Variants in ESRRG observed in about 807,000 individuals in gnomAD.
ESRRG encodes estrogen-related receptor gamma.
A neutral mutation model predicts 44.0 loss-of-function variants in ESRRG; 13 were observed. That is an observed-to-expected ratio of 0.30 (90% confidence interval 0.19 to 0.47). The LOEUF (loss-of-function observed/expected upper bound fraction) is 0.47, where lower values mean the gene tolerates loss of function less well. Among genes scored for constraint, ESRRG ranks in the 20% least tolerant of loss-of-function variants. ESRRG has a pLI of 1.00. For missense variants in ESRRG, 395 were observed against 580.6 expected (o/e 0.68, Z 3.29); for synonymous variants, 215 against 214.6 (o/e 1.00, Z -0.02).
chr1:216,694,735 T>A (rs1378766186), intron 1 of ESRRG, among the ~76,000 whole-genome samples: 1 of 151,968 alleles, frequency 6.6e-6, no homozygotes, highest in African/African-American at 2.4e-5. Flanking sequence ...TTTTCTTTTT[T>A]AAATAGAGAC....
At chr1:216,635,592 G>A in intron 3 of ESRRG, among the ~76,000 whole-genome samples, 1 of 152,128 alleles carries the variant, frequency 6.6e-6, no homozygotes, top group East Asian at 1.9e-4. Flanking sequence ...TGATTCCATG[G>A]ATTCAAGGTC....
rs567691984 is a variant in ESRRG, at chr1:217,034,431, G to A, written c.-106+55076C>T. ...TTTTGAAAATTTTTGGTCCCCGATG[G>A]TCTGTCTGAAATGCTGCCACTCCTG... On this transcript the variant is annotated intron_variant, in intron 1 of 7. Transcript: ENST00000359162. 3.3e-5 allele frequency among the ~76,000 whole-genome samples: 5 copies of A among 152,226 alleles called. No individual in the cohort carries two copies. In the East Asian group the frequency reaches 9.7e-4, roughly 29 times the overall value.
Position 216,595,256 on chromosome 1 carries a change from T to C in ESRRG, c.590-27158A>G, listed in dbSNP as rs1273692504. Among the ~76,000 whole-genome samples, 4 of 152,368 alleles carry C rather than the reference T, an allele frequency of 2.6e-5. No homozygotes were observed. In the East Asian group the frequency reaches 5.8e-4, roughly 22 times the overall value. Reference sequence around the variant, plus strand: ...ATTATTACCTGGGAAGGCTTACTTATGTTTAAAATTATCTAGTGCTCATGG... The same window carrying C: ...ATTATTACCTGGGAAGGCTTACTTACGTTTAAAATTATCTAGTGCTCATGG... On this transcript the variant is annotated intron_variant, in intron 3 of 6. Transcript: ENST00000408911.
At position 216,605,826 on chromosome 1, in the gene ESRRG, A is replaced by T. The variant is rs1354447975; in HGVS notation, c.590-37728T>A. The stretch of plus-strand genomic sequence containing the variant: ...AAACGAAAGACTGGGTTTCATCCTT[A>T]TGCACCCAATCTGCAAGAAAAGCAA... On this transcript the variant is annotated intron_variant, in intron 3 of 6. Coordinates refer to ENST00000408911, the MANE Select transcript of ESRRG (RefSeq NM_001438.4). Among the ~76,000 whole-genome samples, 4 of 151,730 alleles carry T rather than the reference A, an allele frequency of 2.6e-5. No homozygotes were observed. The South Asian group carries it at 6.3e-4, about 24-fold the overall frequency.
At chr1:217,043,987 C>T (rs754818475) in intron 1 of ESRRG, among the ~76,000 whole-genome samples, 2 of 151,084 alleles carry the variant, frequency 1.3e-5, no homozygotes, top group Non-Finnish European at 2.9e-5. Flanking sequence ...GAAAAGAAAC[C>T]GATAGGAATA....
chr1:216,749,501 C>A (rs11572649), intron 2 of ESRRG, among the ~76,000 whole-genome samples: 1 of 152,112 alleles, frequency 6.6e-6, no homozygotes, highest in Non-Finnish European at 1.5e-5. Flanking sequence ...ATGCAGGGAG[C>A]GCCCTGCTAG....
intron 2 of ESRRG, among the ~76,000 whole-genome samples, chr1:216,783,656 T>C (rs1433282736): frequency 1.3e-5 from 2 of 151,938 alleles, no homozygotes; most frequent in African/African-American, 2.4e-5. Flanking sequence ...CCCTCCTCAA[T>C]TGGTCACAAA....
At chr1:217,080,338 T>C (rs1417582375) in intron 1 of ESRRG, among the ~76,000 whole-genome samples, 1 of 152,132 alleles carries the variant, frequency 6.6e-6, no homozygotes, top group African/African-American at 2.4e-5. Context: ...CCCAAAATCG[T>C]CCTCACAGAA....
intron 1 of ESRRG, among the ~76,000 whole-genome samples, chr1:217,026,912 C>CACACAGAGAGAGAG (rs1255637839): frequency 4.3e-5 from 4 of 93,472 alleles, no homozygotes; most frequent in African/African-American, 1.2e-4. Flanking sequence ...CACACACACA[C>CACACAGAGAGAGAG]AGAGAGAGAG....
chr1:216,591,970 AC>A lies in ESRRG; in HGVS notation c.590-23873del, dbSNP rs11572743. 9.2e-3 allele frequency among the ~76,000 whole-genome samples: 1,394 copies of A among 152,282 alleles called. 19 individuals carry two copies. Among genetic ancestry groups the A allele is most frequent in the African/African-American group, 0.032 (1,343 of 41,546 alleles). On this transcript the variant is annotated intron_variant, in intron 3 of 6. Coordinates refer to ENST00000408911, the MANE Select transcript of ESRRG (RefSeq NM_001438.4). The stretch of plus-strand genomic sequence containing the variant: ...TTTATAGTGGAAAAGCCTGGTAGAT[AC>A]CCCCAGTCAAGTGACCAAGATAATG...
intron 2 of ESRRG, among the ~76,000 whole-genome samples, chr1:216,827,824 G>A (rs2148697288): frequency 6.6e-6 from 1 of 152,274 alleles, no homozygotes; most frequent in Non-Finnish European, 1.5e-5. Flanking sequence ...TAAATGGGAA[G>A]GGAAATTGGG....
In ESRRG at chr1:217,055,830, C is replaced by A. The variant is rs937462402; in HGVS notation, c.-106+33677G>T. Among the ~76,000 whole-genome samples, 5 of 152,224 alleles carry A rather than the reference C, an allele frequency of 3.3e-5. 1 individual carries two copies. The highest frequency in any genetic ancestry group is 5.9e-5 in the Non-Finnish European group (4 of 68,040). ...TTTTCCACATCCACTGTCCTCTTCC[C>A]CACACCCAGATGTCTATACAATTCT... On this transcript the variant is annotated intron_variant, in intron 1 of 7. Coordinates refer to the ESRRG transcript ENST00000359162.
At chr1:216,880,883 A>T (rs986222652) in intron 2 of ESRRG, among the ~76,000 whole-genome samples, 1 of 152,178 alleles carries the variant, frequency 6.6e-6, no homozygotes, top group African/African-American at 2.4e-5. Context: ...AGCATTGCTG[A>T]CCCACTATTA....
At chr1:216,873,894 A>G (rs1481256065) in intron 2 of ESRRG, among the ~76,000 whole-genome samples, 4 of 37,150 alleles carry the variant, frequency 1.1e-4, no homozygotes, top group African/African-American at 3.9e-4. Context: ...AAGGGAAGGG[A>G]AGGGAAGGGA....
chr1:216,513,212 TAAAA>T (rs1250915845), intron 6 of ESRRG, among the ~76,000 whole-genome samples: 1 of 152,008 alleles, frequency 6.6e-6, no homozygotes, highest in African/African-American at 2.4e-5. Flanking sequence ...ATGATATAGA[TAAAA>T]AGAGAGAGAG....
chr1:216,618,881 C>G (rs2061783068), intron 3 of ESRRG, among the ~76,000 whole-genome samples: 1 of 152,224 alleles, frequency 6.6e-6, no homozygotes, highest in African/African-American at 2.4e-5. Context: ...GGGTCAACGA[C>G]CAAGCCTACT....
intron 6 of ESRRG, among the ~76,000 whole-genome samples, chr1:216,513,446 T>C (rs578073102): frequency 6.6e-6 from 1 of 152,306 alleles, no homozygotes; most frequent in African/African-American, 2.4e-5. Context: ...TTAACCATGG[T>C]GACAATAATA....
chr1:216,717,348 T>C (rs1378904104), intron 1 of ESRRG, among the ~76,000 whole-genome samples: 1 of 151,822 alleles, frequency 6.6e-6, no homozygotes, highest in African/African-American at 2.4e-5. Flanking sequence ...GAATGGAAAT[T>C]ATTTTATTAG....
At chr1:216,769,725 C>A (rs926215925) in intron 2 of ESRRG, among the ~76,000 whole-genome samples, 2 of 151,880 alleles carry the variant, frequency 1.3e-5, no homozygotes, top group Admixed American at 1.3e-4. Context: ...AATCAGGAAG[C>A]AAGTTAAGGA....
Sources: allele counts gnomAD v4.1 joint callset (sites outside exome capture counted in the v4.1 genomes callset), GRCh38; gene constraint gnomAD v4.1.1; transcripts MANE v1.5; gene names NCBI Gene and HGNC (gene_info 2026-07-23, HGNC 2026-07-21).